The following STEAP1B variants were observed in gnomAD, a reference collection of about 807,000 sequenced individuals.
The protein encoded by STEAP1B is STEAP family member 1B.
A neutral mutation model predicts 27.9 loss-of-function variants in STEAP1B; 13 were observed. That is an observed-to-expected ratio of 0.47 (90% CI 0.30 to 0.74). The LOEUF (loss-of-function observed/expected upper bound fraction) is 0.74. STEAP1B is among the 30% of genes least tolerant of loss of function. STEAP1B has a pLI of 0.06. For missense variants in STEAP1B, 250 were observed against 298.7 expected (o/e 0.84, Z 1.20); for synonymous variants, 86 against 107.1 (o/e 0.80, Z 1.22).
intron 4 of STEAP1B, among the ~76,000 whole-genome samples, chr7:22,473,192 T>G (rs374781768): frequency 5.9e-5 from 9 of 152,242 alleles, no homozygotes; most frequent in Admixed American, 2.0e-4. Context: ...GAGATTTTCT[T>G]CAGATGTTTT....
chr7:22,478,228 T>C (rs1373361711), intron 4 of STEAP1B, among the ~76,000 whole-genome samples: 2 of 152,216 alleles, frequency 1.3e-5, no homozygotes, highest in Non-Finnish European at 2.9e-5. Flanking sequence ...AATCCCACTA[T>C]TGTTTAAGAA....
intron 4 of STEAP1B, among the ~76,000 whole-genome samples, chr7:22,468,568 T>C (rs1472058187): frequency 6.6e-6 from 1 of 152,094 alleles, no homozygotes; most frequent in South Asian, 2.1e-4. Context: ...TGGAAGTGTT[T>C]TGATTTGATA....
intron 3 of STEAP1B, 81 bp downstream of exon 3, chr7:22,493,243 T>C (rs575407409): frequency 5.0e-6 from 7 of 1,406,380 alleles, no homozygotes; most frequent in East Asian, 2.5e-5. Context: ...GGTTGGGGTA[T>C]TGATATTACA....
Position 22,465,580 on chromosome 7 carries a change from G to A in STEAP1B, c.762+26985C>T, listed in dbSNP as rs550911837. Among the ~76,000 whole-genome samples the A allele has an allele frequency of 3.3e-5, 5 of 152,078 alleles. 1 individual carries two copies. Among genetic ancestry groups the A allele is most frequent in the Middle Eastern group, 3.4e-3 (1 of 294 alleles). Reference sequence around the variant, plus strand: ...AATTTCTTTTGTTATTGTTATGTACGATGTGAACATGACCTTCCTTGCACA... The same window carrying A: ...AATTTCTTTTGTTATTGTTATGTACAATGTGAACATGACCTTCCTTGCACA... On this transcript the variant is annotated intron_variant, in intron 4 of 4. Coordinates refer to ENST00000678116, the MANE Select transcript of STEAP1B (RefSeq NM_001382447.1).
chr7:22,466,054 C>T (rs1026738359), intron 4 of STEAP1B, among the ~76,000 whole-genome samples: 2 of 152,220 alleles, frequency 1.3e-5, no homozygotes, highest in Non-Finnish European at 2.9e-5. Context: ...GTGTGCCATA[C>T]AGGCTCATTC....
At chr7:22,477,171 C>T (rs1176310433) in intron 4 of STEAP1B, among the ~76,000 whole-genome samples, 1 of 152,242 alleles carries the variant, frequency 6.6e-6, no homozygotes, top group East Asian at 1.9e-4. Context: ...TCCACCTGAA[C>T]TCAAGGGAAG....
intron 4 of STEAP1B, among the ~76,000 whole-genome samples, chr7:22,490,745 T>C (rs1786308286): frequency 1.3e-5 from 2 of 152,212 alleles, no homozygotes; most frequent in South Asian, 4.1e-4. Context: ...CGTTCTTTCA[T>C]GAAGAAAGTA....
At chr7:22,476,473 T>C (rs1158449887) in intron 4 of STEAP1B, among the ~76,000 whole-genome samples, 1 of 152,192 alleles carries the variant, frequency 6.6e-6, no homozygotes, top group African/African-American at 2.4e-5. Flanking sequence ...CATTTTCACT[T>C]AACATCTTCC....
chr7:22,464,097 C>T (rs1323057349), intron 4 of STEAP1B, among the ~76,000 whole-genome samples: 2 of 152,200 alleles, frequency 1.3e-5, no homozygotes, highest in Non-Finnish European at 2.9e-5. Context: ...AATGATTGAA[C>T]TCTTTTCTCT....
intron 4 of STEAP1B, among the ~76,000 whole-genome samples, chr7:22,470,808 T>C (rs1785868522): frequency 6.6e-6 from 1 of 152,204 alleles, no homozygotes. Flanking sequence ...AAGCAGGAAC[T>C]GGGTGAAGCA....
intron 4 of STEAP1B, among the ~76,000 whole-genome samples, chr7:22,427,882 A>G: frequency 6.6e-6 from 1 of 152,246 alleles, no homozygotes; most frequent in Non-Finnish European, 1.5e-5. Flanking sequence ...AAAGAACACA[A>G]CAAATGATTT....
At chr7:22,424,908 T>C (rs949690393) in intron 4 of STEAP1B, among the ~76,000 whole-genome samples, 1 of 116,764 alleles carries the variant, frequency 8.6e-6, no homozygotes, top group Non-Finnish European at 1.9e-5. Context: ...AAAAAAAAAA[T>C]CACATTAGGA....
intron 4 of STEAP1B, among the ~76,000 whole-genome samples, chr7:22,457,139 C>T (rs1249281787): frequency 1.3e-5 from 2 of 151,004 alleles, no homozygotes; most frequent in Admixed American, 6.6e-5. Flanking sequence ...TCCAGAGGAT[C>T]CACCAATTAG....
rs117312089 is a variant in STEAP1B at position 22,422,356 on chromosome 7, C to T, written c.763-2520G>A. Among the ~76,000 whole-genome samples, 64 of 152,278 alleles carry T rather than the reference C, an allele frequency of 4.2e-4. No individual in the cohort carries two copies. In the East Asian group the frequency reaches 8.9e-3, roughly 21 times the overall value. ...ATCCACCTGCTACAAATATTGTAAC[C>T]GCAAAGGAGAGCCAAAATAACATGC... On this transcript the variant is annotated intron_variant, in intron 4 of 4. Coordinates refer to ENST00000678116, the MANE Select transcript of STEAP1B (RefSeq NM_001382447.1).
At chr7:22,439,166 T>C (rs769820975) in intron 4 of STEAP1B, among the ~76,000 whole-genome samples, 2 of 151,520 alleles carry the variant, frequency 1.3e-5, no homozygotes, top group Admixed American at 6.5e-5. Context: ...GTTTTAAGAA[T>C]GCCGTGCCCC....
At chr7:22,468,202 T>A (rs1156763280) in intron 4 of STEAP1B, among the ~76,000 whole-genome samples, 5 of 152,170 alleles carry the variant, frequency 3.3e-5, no homozygotes, top group South Asian at 2.1e-4. Flanking sequence ...ACTAAAAAAA[T>A]TTATCTGAAA....
chr7:22,447,885 C>T (rs1393328640), intron 4 of STEAP1B, among the ~76,000 whole-genome samples: 2 of 152,234 alleles, frequency 1.3e-5, no homozygotes, highest in East Asian at 3.8e-4. Flanking sequence ...GGCTCACAAA[C>T]AGTTATCACC....
At chr7:22,475,253 G>A (rs1345470432) in intron 4 of STEAP1B, among the ~76,000 whole-genome samples, 2 of 152,200 alleles carry the variant, frequency 1.3e-5, no homozygotes, top group African/African-American at 4.8e-5. Context: ...AGCAGCTCCT[G>A]CCTTTCAGAC....
intron 4 of STEAP1B, among the ~76,000 whole-genome samples, chr7:22,490,058 T>C (rs935680429): frequency 1.3e-5 from 2 of 152,240 alleles, no homozygotes; most frequent in African/African-American, 4.8e-5. Context: ...TTCCAAGCTA[T>C]GCGTAATTTC....
Sources: gnomAD v4.1 joint callset for allele counts (sites outside exome capture counted in the v4.1 genomes callset) on GRCh38, gnomAD v4.1.1 for gene constraint, MANE v1.5 for transcripts, NCBI Gene and HGNC (gene_info 2026-07-23, HGNC 2026-07-21) for gene names.